Variants in MINK1 observed in about 807,000 individuals in gnomAD.
The protein encoded by MINK1 is misshapen like kinase 1.
In MINK1, 46 loss-of-function variants were observed where a neutral mutation model predicts 178.4. That is an observed-to-expected ratio of 0.26 (90% confidence interval 0.20 to 0.33). The LOEUF (loss-of-function observed/expected upper bound fraction) is 0.33. Among genes scored for constraint, MINK1 ranks in the 10% least tolerant of loss-of-function variants. The pLI is 1.00. For synonymous variants in MINK1, 797 were observed against 709.7 expected (o/e 1.12, Z -1.96); for missense variants, 1,366 against 1,814.9 (o/e 0.75, Z 4.49).
rs758013494 is a variant in MINK1, at chr17:4,892,467, C to A, written c.2153C>A (p.Pro718His). 6.4e-7 allele frequency: 1 copy of A among 1,565,780 alleles called. No individual in the cohort carries two copies. Among genetic ancestry groups the A allele is most frequent in the Non-Finnish European group, 8.6e-7 (1 of 1,156,158 alleles). The change falls in exon 18 of 32, where the codon CCT becomes CAT. Residue 718 changes from proline (P) to histidine (H), a missense_variant. By Grantham distance (77) the Pro-to-His change is moderately conservative. This residue lies in a region of MINK1 where 709 missense variants were observed against 692.3 expected (regional missense o/e 1.02). Coordinates refer to ENST00000355280, the MANE Select transcript of MINK1 (RefSeq NM_153827.5). ...CGGGCAGAGCGGGGCACCCCAAAGC[C>A]TCCAGGGCCCCCTGCTCAGCCCCCT... Reference protein sequence around the residue: ...QRRAERGTPKPPGPPAQPPGP... With the variant: ...QRRAERGTPKHPGPPAQPPGP...
chr17:4,837,488 A>C (rs561116307), intron 1 of MINK1, among the ~76,000 whole-genome samples: 40 of 152,382 alleles, frequency 2.6e-4, no homozygotes, highest in African/African-American at 8.4e-4. Flanking sequence ...TGGGGTAAAC[A>C]GTTCTGGAAG....
chr17:4,847,275 C>G (rs1027909167), intron 1 of MINK1: 4 of 453,398 alleles, frequency 8.8e-6, no homozygotes, highest in Non-Finnish European at 1.8e-5. Flanking sequence ...CAGATGGAGT[C>G]TCGCTCAGGC....
At position 4,836,226 on chromosome 17, in the gene MINK1, T is replaced by C. The variant is rs1909285860; in HGVS notation, c.57+2586T>C. ...ATGGGAGAGGAACATATTCAGTATT[T>C]ATTTGCTGGCCTTAAGGAGCCCAAG... On this transcript the variant is annotated intron_variant, in intron 1 of 31. Coordinates refer to ENST00000355280, the MANE Select transcript of MINK1 (RefSeq NM_153827.5). This position sits in a 1 kb window ranked among gnomAD's most constrained non-coding sequence, Gnocchi z 4.3. Among the ~76,000 whole-genome samples, 1 of 152,186 alleles carries C rather than the reference T, an allele frequency of 6.6e-6. No individual in the cohort carries two copies.
In MINK1 at chr17:4,895,762, C is replaced by T; in HGVS notation, c.3294C>T (p.Asp1098=). The T allele has an allele frequency of 1.2e-6, 2 of 1,613,836 alleles. No homozygotes were observed. Among genetic ancestry groups the T allele is most frequent in the Non-Finnish European group, 1.7e-6 (2 of 1,179,826 alleles). The change falls in exon 27 of 32, where the codon GAC becomes GAT. Residue 1098 remains aspartate (D), a synonymous_variant. Transcript: ENST00000355280. This position sits in a 1 kb window ranked among gnomAD's most constrained non-coding sequence, Gnocchi z 4.3. Reference sequence around the variant, plus strand: ...TCCGGAACAAGATTCTGCACAATGACCCAGAAGTGGAGAAGAAGCAGGGCT... The same window carrying T: ...TCCGGAACAAGATTCTGCACAATGATCCAGAAGTGGAGAAGAAGCAGGGCT... The part of the protein sequence containing the change: ...SWLRNKILHN[D]PEVEKKQGWT...
In MINK1 at chr17:4,894,177, C is replaced by G. The variant is rs746728309; in HGVS notation, c.2674C>G (p.Pro892Ala). 1.2e-6 allele frequency: 2 copies of G among 1,613,562 alleles called. No homozygotes were observed. Among genetic ancestry groups the G allele is most frequent in the Non-Finnish European group, 1.7e-6 (2 of 1,179,820 alleles). Residue 892 changes from proline (P) to alanine (A), a missense_variant, in exon 23 of 32, where the codon CCT (proline) becomes GCT (alanine). Pro to Ala is a conservative substitution (Grantham distance 27, BLOSUM62 -1). Transcript: ENST00000355280. This position sits in a 1 kb window ranked among gnomAD's most constrained non-coding sequence, Gnocchi z 4.1. ...GGGTMVVQRTPEEERNLLHAD... is the reference protein window; with the variant it reads ...GGGTMVVQRTAEEERNLLHAD... ...AACCCTGCCCTCTGTCCTGTAGACC[C>G]CTGAAGAGGAGCGGAACCTGCTGCA...
At chr17:4,871,171 GTTTGT>G (rs1018465971) in intron 1 of MINK1, 22 of 181,216 alleles carry the variant, frequency 1.2e-4, no homozygotes, top group African/African-American at 4.6e-4. Flanking sequence ...TTTTTGTTTT[GTTTGT>G]TTTAATTTTT....
In MINK1 at chr17:4,896,510, G is replaced by A; in HGVS notation, c.3697G>A (p.Glu1233Lys). ...GMEMLLCYED[E>K]GVYVNTYGRI... ...GGAGATGCTGCTGTGCTACGAGGAC[G>A]AGGGTGTCTACGTCAACACGTACGG... Residue 1233 changes from glutamate (E) to lysine (K), a missense_variant, in exon 30 of 32, where the codon GAG becomes AAG. Around this residue, in one of 14 missense-constraint regions of MINK1, gnomAD observed 201 missense variants for 240.7 expected, o/e 0.84. Transcript: ENST00000355280. The surrounding 1 kb of genome is among the most constrained non-coding windows in gnomAD (Gnocchi z 4.6). 2 of 1,613,974 alleles carry A rather than the reference G, an allele frequency of 1.2e-6. No individual in the cohort carries two copies. The highest frequency in any genetic ancestry group is 1.3e-5 in the African/African-American group (1 of 75,032).
chr17:4,877,782 C>T (rs530032482), intron 1 of MINK1, among the ~76,000 whole-genome samples: 2 of 149,248 alleles, frequency 1.3e-5, no homozygotes, highest in East Asian at 2.0e-4. Context: ...AAGCCATCTG[C>T]GCTCTGACTT....
chr17:4,861,819 A>G (rs1020268822), intron 1 of MINK1: 1 of 160,808 alleles, frequency 6.2e-6, no homozygotes, highest in African/African-American at 2.4e-5. Flanking sequence ...ATTTTACACA[A>G]TTTTATTATA....
At chr17:4,877,834 G>A (rs183589768) in intron 1 of MINK1, among the ~76,000 whole-genome samples, 2 of 135,676 alleles carry the variant, frequency 1.5e-5, no homozygotes, top group Admixed American at 7.6e-5. Flanking sequence ...TTTTTGAGAC[G>A]GAGTCTCACT....
rs549911444 is a variant in MINK1, at chr17:4,897,731, G to A, written c.*444G>A. The A allele has an allele frequency of 6.4e-6, 1 of 155,160 alleles. No homozygotes were observed. Among genetic ancestry groups the A allele is most frequent in the Admixed American group, 6.5e-5 (1 of 15,346 alleles). 9.6% of individuals were successfully genotyped at this position (155,160 alleles called of 1,614,324 possible). On this transcript the variant is annotated 3_prime_UTR_variant, in exon 32 of 32. Coordinates refer to ENST00000355280, the MANE Select transcript of MINK1 (RefSeq NM_153827.5). ...GGGTCACTGGGCCCTAGATTTTTGG[G>A]GGGTCACCAGCCACTCCAGGGGCAG... is the stretch of plus-strand genomic sequence containing the variant.
chr17:4,879,913 T>A (rs1967541482), intron 2 of MINK1, among the ~76,000 whole-genome samples: 1 of 152,132 alleles, frequency 6.6e-6, no homozygotes, highest in Admixed American at 6.5e-5. Context: ...CTGTCCAGAG[T>A]TGGTGAGTCA....
intron 1 of MINK1, among the ~76,000 whole-genome samples, chr17:4,866,465 C>G (rs1396925872): frequency 6.8e-6 from 1 of 146,404 alleles, no homozygotes; most frequent in East Asian, 2.0e-4. Flanking sequence ...GACTCCGTCT[C>G]AAAATTAAAA....
chr17:4,871,181 A>ATTTTT (rs148817521), intron 1 of MINK1: 2 of 134,906 alleles, frequency 1.5e-5, no homozygotes, highest in Admixed American at 8.4e-5. Flanking sequence ...GTTTGTTTTA[A>ATTTTT]TTTTTTTTTT....
chr17:4,864,999 C>T (rs1914721621), intron 1 of MINK1, among the ~76,000 whole-genome samples: 1 of 152,242 alleles, frequency 6.6e-6, no homozygotes, highest in Non-Finnish European at 1.5e-5. Context: ...GAGCTCTTTC[C>T]ACGACCAAAA....
chr17:4,857,668 A>AT (rs1913421541), intron 1 of MINK1, among the ~76,000 whole-genome samples: 1 of 151,746 alleles, frequency 6.6e-6, no homozygotes. Flanking sequence ...GGGTTTCACC[A>AT]TGTTGCCCCG....
intron 1 of MINK1, among the ~76,000 whole-genome samples, chr17:4,834,432 T>C (rs775991468): frequency 3.3e-5 from 5 of 152,078 alleles, no homozygotes; most frequent in Admixed American, 6.6e-5. Flanking sequence ...GTGGTCAGGC[T>C]GAAGGTTTGG....
intron 4 of MINK1, among the ~76,000 whole-genome samples, 174 bp downstream of exon 4, chr17:4,881,431 G>T (rs2270159): frequency 6.6e-6 from 1 of 152,004 alleles, no homozygotes; most frequent in Non-Finnish European, 1.5e-5. Flanking sequence ...GGATGGCCCC[G>T]CACTCCAGCC....
chr17:4,878,188 C>T, intron 1 of MINK1, 129 bp from the exon 2 acceptor site: 2 of 721,498 alleles, frequency 2.8e-6, no homozygotes, highest in East Asian at 3.0e-5. Flanking sequence ...ACCAGGGTTC[C>T]TGCCACGTGC....
Sources: allele counts gnomAD v4.1 joint callset (sites outside exome capture counted in the v4.1 genomes callset), GRCh38; gene constraint gnomAD v4.1.1; regional missense constraint gnomAD v4.1.1; non-coding constraint Gnocchi (gnomAD v3.1); transcripts MANE v1.5; gene names NCBI Gene and HGNC (gene_info 2026-07-23, HGNC 2026-07-21).